RAD54B: variants seen among roughly 807,000 people sequenced by gnomAD.
RAD54B encodes DNA repair and recombination protein RAD54B.
In RAD54B, 78 loss-of-function variants were observed where a neutral mutation model predicts 95.8. The observed-to-expected ratio is 0.81, with a 90% CI of 0.68 to 0.98. The LOEUF is 0.98. RAD54B is among the 50% of genes least tolerant of loss of function. RAD54B has a pLI of 0.00. For missense variants in RAD54B, 957 were observed against 1,056.6 expected (o/e 0.91, Z 1.31); for synonymous variants, 328 against 354.9 (o/e 0.92, Z 0.85).
intron 11 of RAD54B, among the ~76,000 whole-genome samples, chr8:94,381,008 G>A (rs1314649462): frequency 6.6e-6 from 1 of 152,164 alleles, no homozygotes; most frequent in Non-Finnish European, 1.5e-5. Flanking sequence ...TAGAAGGCAG[G>A]AGAGCCAATG....
intron 3 of RAD54B, among the ~76,000 whole-genome samples, chr8:94,454,151 T>TA (rs34049102): frequency 0.013 from 1,869 of 144,264 alleles, 23 homozygotes; most frequent in African/African-American, 0.041. Context: ...CATTACCTTT[T>TA]AAAAAAAAAA....
chr8:94,414,340 C>T (rs1311154541), intron 3 of RAD54B, among the ~76,000 whole-genome samples: 1 of 152,162 alleles, frequency 6.6e-6, no homozygotes, highest in African/African-American at 2.4e-5. Flanking sequence ...CCTAATTGCC[C>T]TGGCCAGAAC....
intron 3 of RAD54B, among the ~76,000 whole-genome samples, chr8:94,452,574 C>T (rs1812685922): frequency 6.6e-6 from 1 of 152,126 alleles, no homozygotes; most frequent in Admixed American, 6.5e-5. Flanking sequence ...TCTCAGCTCA[C>T]TGCAAGCTCC....
In RAD54B at chr8:94,411,282, T is replaced by C. The variant is rs1811522927; in HGVS notation, c.338A>G (p.Lys113Arg). ...HSAPKEVAVS[K>R]EQEEKSDSLV... ...GCTATCAGATTTCTCTTCTTGTTCC[T>C]TGGACACTGCTACTTCTTTAGGAGC... is the stretch of plus-strand genomic sequence containing the variant. The change falls in exon 4 of 15, where the codon AAG becomes AGG. Residue 113 changes from lysine to arginine, a missense_variant. Coordinates refer to ENST00000336148, the MANE Select transcript of RAD54B (RefSeq NM_012415.3). 1 of 1,596,812 alleles carries C rather than the reference T, an allele frequency of 6.3e-7. No homozygotes were observed. The highest frequency in any genetic ancestry group is 1.4e-5 in the African/African-American group (1 of 73,834).
At position 94,380,149 on chromosome 8, in the gene RAD54B, A is replaced by G; in HGVS notation, c.2243T>C (p.Ile748Thr). 1 of 1,607,520 alleles carries G rather than the reference A, an allele frequency of 6.2e-7. No homozygotes were observed. The highest frequency in any genetic ancestry group is 8.5e-7 in the Non-Finnish European group (1 of 1,175,864). Residue 748 changes from isoleucine (I) to threonine (T), a missense_variant, in exon 12 of 15, where the codon ATT becomes ACT. Coordinates refer to ENST00000336148, the MANE Select transcript of RAD54B (RefSeq NM_012415.3). ...TTAATGCATAAATATTCCTACCTGAATGTCAGTGGCTGGATTCCAATCAAT... is the reference window on the plus strand; with the variant it reads ...TTAATGCATAAATATTCCTACCTGAGTGTCAGTGGCTGGATTCCAATCAAT... ...YDIDWNPATD[I>T]QAMSRVWRDG...
intron 10 of RAD54B, among the ~76,000 whole-genome samples, chr8:94,389,281 C>T (rs913191775): frequency 6.6e-6 from 1 of 152,192 alleles, no homozygotes; most frequent in African/African-American, 2.4e-5. Flanking sequence ...TGCACAAGTT[C>T]TTAACCAAGA....
intron 10 of RAD54B, among the ~76,000 whole-genome samples, chr8:94,391,352 A>AGG (rs1055339574): frequency 2.6e-5 from 4 of 151,388 alleles, no homozygotes; most frequent in African/African-American, 9.7e-5. Flanking sequence ...AAGGTGCCAA[A>AGG]GGGGATTGGG....
intron 8 of RAD54B, among the ~76,000 whole-genome samples, chr8:94,394,914 G>C (rs4735291): frequency 0.28 from 42,695 of 152,022 alleles, 7,031 homozygotes; most frequent in East Asian, 0.44. Flanking sequence ...CCACCCCCAG[G>C]TTGGACCAGC....
At chr8:94,374,799 T>C (rs1298367201) in intron 14 of RAD54B, among the ~76,000 whole-genome samples, 4 of 152,310 alleles carry the variant, frequency 2.6e-5, no homozygotes, top group African/African-American at 9.6e-5. Flanking sequence ...CACAGTTTCA[T>C]ATTTTAATAT....
At chr8:94,405,277 A>AT (rs982925857) in intron 5 of RAD54B, among the ~76,000 whole-genome samples, 6 of 152,222 alleles carry the variant, frequency 3.9e-5, no homozygotes, top group Non-Finnish European at 7.3e-5. Context: ...AAATTAGATA[A>AT]TAAACCCACC....
rs1437537925 is a variant in RAD54B, at chr8:94,428,861, G to GA, written c.305-17547dup. ...AAAAAAGTCTCAATACAAAAAAGAA[G>GA]AAAAAAAAAGGTTTGGTTCCAAATT... On this transcript the variant is annotated intron_variant, in intron 3 of 14. Coordinates refer to ENST00000336148, the MANE Select transcript of RAD54B (RefSeq NM_012415.3). The GA allele has an allele frequency of 1.2e-4, 115 of 979,924 alleles. No individual in the cohort carries two copies. In the South Asian group the frequency reaches 3.2e-3, roughly 27 times the overall value. The allele number at this position is 979,924 out of a possible 1,614,324, so 60.7% of individuals were successfully genotyped here. A position where few individuals can be genotyped will look rare whatever the true frequency, so the allele number is the denominator to read the frequency against.
At chr8:94,437,354 G>A (rs1563657477) in intron 3 of RAD54B, among the ~76,000 whole-genome samples, 1 of 152,178 alleles carries the variant, frequency 6.6e-6, no homozygotes, top group East Asian at 1.9e-4. Context: ...TATGAGTAGT[G>A]AATGTAGTAA....
At chr8:94,435,363 GT>G (rs758375640) in intron 3 of RAD54B, among the ~76,000 whole-genome samples, 15 of 151,926 alleles carry the variant, frequency 9.9e-5, no homozygotes, top group Non-Finnish European at 1.9e-4. Context: ...TACTTTCCTA[GT>G]AAATTACCAA....
intron 3 of RAD54B, among the ~76,000 whole-genome samples, chr8:94,446,210 A>AT (rs1302216598): frequency 3.9e-5 from 6 of 152,186 alleles, no homozygotes; most frequent in African/African-American, 1.4e-4. Flanking sequence ...GGTAGGGGTG[A>AT]TTTTTTCCAC....
chr8:94,438,740 A>G (rs2130128561), intron 3 of RAD54B, among the ~76,000 whole-genome samples: 1 of 152,352 alleles, frequency 6.6e-6, no homozygotes, highest in South Asian at 2.1e-4. Context: ...ACTAGTTATC[A>G]GGGAAATGTA....
chr8:94,439,312 C>T (rs1563658197), intron 3 of RAD54B, among the ~76,000 whole-genome samples: 1 of 152,170 alleles, frequency 6.6e-6, no homozygotes, highest in Non-Finnish European at 1.5e-5. Flanking sequence ...ACGAAGCATT[C>T]TTTGCAGTTG....
chr8:94,458,542 T>G, intron 2 of RAD54B, 106 bp from the exon 3 acceptor site: 1 of 819,028 alleles, frequency 1.2e-6, no homozygotes, highest in Non-Finnish European at 1.8e-6. Flanking sequence ...ATACTGGTTA[T>G]ATATATAAAC....
Position 94,458,400 on chromosome 8 carries a change from T to A in RAD54B, c.172A>T (p.Asn58Tyr), listed in dbSNP as rs1460379582. 6.2e-7 allele frequency: 1 copy of A among 1,601,792 alleles called. No individual in the cohort carries two copies. Among genetic ancestry groups the A allele is most frequent in the African/African-American group, 1.3e-5 (1 of 74,560 alleles). The change falls in exon 3 of 15, where the codon AAT becomes TAT. Residue 58 changes from asparagine (N) to tyrosine (Y), a missense_variant. Coordinates refer to ENST00000336148, the MANE Select transcript of RAD54B (RefSeq NM_012415.3). ...AINNTFLPSQNDLRICSLNLP... is the reference protein window; with the variant it reads ...AINNTFLPSQYDLRICSLNLP... ...TTTAAACTGCATATTCTAAGATCAT[T>A]TTGTGACGGGAGAAAGGTGTTATTA...
rs1272460880 is a variant in RAD54B, at chr8:94,464,356, C to CT, written c.135+3048dup. On this transcript the variant is annotated intron_variant, in intron 2 of 14. Coordinates refer to ENST00000336148, the MANE Select transcript of RAD54B (RefSeq NM_012415.3). ...ACCATGAGCCAAGGAATGTGGTGAC[C>CT]TGTAGAAGCTGGAGAAAGCCAGGGA... Among the ~76,000 whole-genome samples, 6 of 152,190 alleles carry CT rather than the reference C, an allele frequency of 3.9e-5. No individual in the cohort carries two copies. In the East Asian group the frequency reaches 1.2e-3, roughly 29 times the overall value.
Sources: allele counts gnomAD v4.1 joint callset (sites outside exome capture counted in the v4.1 genomes callset), GRCh38; gene constraint gnomAD v4.1.1; transcripts MANE v1.5; gene names NCBI Gene and HGNC (gene_info 2026-07-23, HGNC 2026-07-21).